The following DMD variants were observed in gnomAD, a reference collection of about 807,000 sequenced individuals.
The protein encoded by DMD is mutant dystrophin.
In DMD, 63 loss-of-function variants were observed where a neutral mutation model predicts 330.1. That is an observed-to-expected ratio of 0.19 (90% confidence interval 0.16 to 0.24). The LOEUF is 0.24. Ranked by LOEUF, DMD falls within the 10% of genes least tolerant of loss-of-function variation. The pLI is 1.00. For missense variants in DMD, 3,344 were observed against 2,684.1 expected (o/e 1.25, Z -5.43); for synonymous variants, 1,223 against 959.8 (o/e 1.27, Z -5.07).
At chrX:32,129,728 G>GAA (rs1569545527) in intron 44 of DMD, among the ~76,000 whole-genome samples, 1 of 21,423 alleles carries the variant, frequency 4.7e-5, no homozygotes, top group African/African-American at 7.3e-5. Context: ...AGAGAGGGAG[G>GAA]GAGAGAGAGA....
intron 17 of DMD, among the ~76,000 whole-genome samples, chrX:32,543,326 CA>C (rs2048663466): frequency 9.0e-6 from 1 of 110,535 alleles, no homozygotes; most frequent in Non-Finnish European, 1.9e-5. Context: ...GAAGTCAGAA[CA>C]CACTTTTTTT....
chrX:31,577,170 C>T (rs975969895), intron 55 of DMD, among the ~76,000 whole-genome samples: 2 of 112,497 alleles, frequency 1.8e-5, no homozygotes, highest in Admixed American at 9.4e-5. Flanking sequence ...TTAATTTTTA[C>T]AAAATGTATT....
intron 2 of DMD, among the ~76,000 whole-genome samples, chrX:32,999,588 T>C (rs1304151511): frequency 9.0e-6 from 1 of 110,623 alleles, no homozygotes; most frequent in Admixed American, 9.7e-5. Flanking sequence ...CCATCCTGGC[T>C]AACATGGTGA....
intron 54 of DMD, among the ~76,000 whole-genome samples, chrX:31,629,551 T>A (rs150574462): frequency 1.6e-3 from 182 of 112,071 alleles, no homozygotes; most frequent in Admixed American, 4.4e-3. Context: ...AGTGTAGGGT[T>A]CTGGTTGGGC....
intron 60 of DMD, among the ~76,000 whole-genome samples, chrX:31,366,301 C>T (rs777027557): frequency 3.7e-5 from 4 of 107,839 alleles, no homozygotes; most frequent in South Asian, 8.2e-4. Flanking sequence ...ACAAACTATG[C>T]GGGCACTGGA....
chrX:32,231,098 A>C (rs1295453491), intron 43 of DMD, among the ~76,000 whole-genome samples: 1 of 112,353 alleles, frequency 8.9e-6, no homozygotes, highest in Non-Finnish European at 1.9e-5. Flanking sequence ...TTTTACTGCT[A>C]TTGTAATTGG....
intron 1 of DMD, among the ~76,000 whole-genome samples, chrX:33,070,562 G>T (rs2094730087): frequency 9.4e-6 from 1 of 106,296 alleles, no homozygotes. Flanking sequence ...AATTAAAAAA[G>T]AGTATTTTAT....
At chrX:31,644,142 T>C (rs778375698) in intron 54 of DMD, among the ~76,000 whole-genome samples, 14 of 111,732 alleles carry the variant, frequency 1.3e-4, no homozygotes, top group Non-Finnish European at 2.1e-4. Context: ...AAAAAGAAGA[T>C]GGAGAGAAAC....
chrX:32,608,763 T>A (rs1365062199), intron 12 of DMD, among the ~76,000 whole-genome samples: 1 of 110,679 alleles, frequency 9.0e-6, no homozygotes, highest in African/African-American at 3.3e-5. Context: ...ACAAAAGAAA[T>A]CTGGCTCTCT....
At chrX:32,617,778 G>C (rs1221630927) in intron 11 of DMD, among the ~76,000 whole-genome samples, 2 of 110,807 alleles carry the variant, frequency 1.8e-5, no homozygotes, top group Admixed American at 9.6e-5. Context: ...AATTAACAGA[G>C]TAAAGAGATA....
chrX:32,107,048 T>C (rs900265994), intron 44 of DMD, among the ~76,000 whole-genome samples: 1 of 111,236 alleles, frequency 9.0e-6, no homozygotes, highest in Non-Finnish European at 1.9e-5. Flanking sequence ...CTGGGGACAT[T>C]TGTATGGGGT....
chrX:32,747,920 C>A (rs1025799075), intron 7 of DMD, among the ~76,000 whole-genome samples: 1 of 111,911 alleles, frequency 8.9e-6, no homozygotes. Context: ...TATATGTAGG[C>A]TTTGAATAAC....
intron 44 of DMD, among the ~76,000 whole-genome samples, chrX:32,002,022 T>C (rs2095630406): frequency 8.9e-6 from 1 of 111,927 alleles, no homozygotes; most frequent in African/African-American, 3.2e-5. Flanking sequence ...AGGAACTTGA[T>C]TGGGGATTTC....
chrX:32,952,139 G>GC (rs1395226608), intron 2 of DMD, among the ~76,000 whole-genome samples: 2 of 100,898 alleles, frequency 2.0e-5, no homozygotes, highest in African/African-American at 3.6e-5. Flanking sequence ...TTTTTTGTTT[G>GC]TTTTTTTTTT....
At chrX:32,474,285 G>C (rs2040993506) in intron 21 of DMD, among the ~76,000 whole-genome samples, 2 of 110,843 alleles carry the variant, frequency 1.8e-5, no homozygotes, top group African/African-American at 6.6e-5. Flanking sequence ...ATTTGGATTG[G>C]TTCCACGATT....
At chrX:31,678,290 C>A (rs2082191344) in intron 53 of DMD, among the ~76,000 whole-genome samples, 1 of 111,618 alleles carries the variant, frequency 9.0e-6, no homozygotes, top group Non-Finnish European at 1.9e-5. Flanking sequence ...ACTGGTTTAG[C>A]AAAAGGCCTT....
At chrX:32,740,693 A>G (rs980928102) in intron 7 of DMD, among the ~76,000 whole-genome samples, 4 of 111,503 alleles carry the variant, frequency 3.6e-5, no homozygotes, top group African/African-American at 1.3e-4. Flanking sequence ...CTCATGGAAG[A>G]CTTTCTTAAT....
In DMD at chrX:32,484,863, C is replaced by T. The variant is rs1000855709; in HGVS notation, c.2803+56G>A. On this transcript the variant is annotated intron_variant, in intron 21 of 78. Coordinates refer to ENST00000357033, the MANE Select transcript of DMD (RefSeq NM_004006.3). ...TCATGTTAGTACCTTCTGGATTTCC[C>T]CACAAATAACCATTTTGGAAAATGT... 5 of 1,140,538 alleles carry T rather than the reference C, an allele frequency of 4.4e-6. No homozygotes were observed. The Admixed American group carries it at 1.1e-4, about 26-fold the overall frequency. 94.0% of individuals were successfully genotyped at this position (1,140,538 alleles called of 1,213,427 possible). A position where few individuals can be genotyped will look rare whatever the true frequency, so the allele number is the denominator to read the frequency against.
intron 44 of DMD, among the ~76,000 whole-genome samples, chrX:32,202,391 C>T (rs1052875023): frequency 5.4e-5 from 6 of 111,568 alleles, no homozygotes; most frequent in Non-Finnish European, 7.5e-5. Context: ...CTCACTCTGT[C>T]GCCAGGCTGG....
Sources: gnomAD v4.1 joint callset for allele counts (sites outside exome capture counted in the v4.1 genomes callset) on GRCh38, gnomAD v4.1.1 for gene constraint, MANE v1.5 for transcripts, NCBI Gene and HGNC (gene_info 2026-07-23, HGNC 2026-07-21) for gene names.